Variants in SCUBE2 observed in about 807,000 individuals in gnomAD.
SCUBE2 encodes signal peptide, CUB domain and EGF like domain containing 2.
SCUBE2 carries 114 observed loss-of-function variants against 125.9 expected under a neutral mutation model. The observed-to-expected ratio is 0.91, with a 90% CI of 0.78 to 1.06. The LOEUF (loss-of-function observed/expected upper bound fraction) is 1.06. SCUBE2 is among the 50% of genes least tolerant of loss of function. The pLI, the probability that SCUBE2 is intolerant of heterozygous loss-of-function variation, is 0.00. For synonymous variants in SCUBE2, 459 were observed against 492.9 expected (o/e 0.93, Z 0.91); for missense variants, 1,255 against 1,301.8 (o/e 0.96, Z 0.55).
At chr11:9,075,205 T>TA (rs5789594) in intron 3 of SCUBE2, among the ~76,000 whole-genome samples, 42 of 123,948 alleles carry the variant, frequency 3.4e-4, no homozygotes, top group East Asian at 1.6e-3. Flanking sequence ...AGACGCCATC[T>TA]AAAAAAAAAA....
intron 21 of SCUBE2, among the ~76,000 whole-genome samples, chr11:9,022,289 C>T (rs961403944): frequency 8.5e-5 from 13 of 152,156 alleles, no homozygotes; most frequent in Admixed American, 3.3e-4. Flanking sequence ...CTCTTTCTTT[C>T]CTACATGATA....
In SCUBE2 at chr11:9,091,358, C is replaced by G. The variant is rs1564861200; in HGVS notation, c.133+38G>C. 7.8e-7 allele frequency: 1 copy of G among 1,289,918 alleles called. No individual in the cohort carries two copies. Among genetic ancestry groups the G allele is most frequent in the Non-Finnish European group, 9.8e-7 (1 of 1,020,588 alleles). The allele number at this position is 1,289,918 out of a possible 1,614,324, so 79.9% of individuals were successfully genotyped here. ...ACCTAAACACTCTTCCTGGCCCTGC[C>G]TGCTGTGCCAGGTGCGCCCCCGCGG... On this transcript the variant is annotated intron_variant, in intron 1 of 22. Coordinates refer to ENST00000649792, the MANE Select transcript of SCUBE2 (RefSeq NM_001367977.2). The surrounding 1 kb of genome is among the most constrained non-coding windows in gnomAD (Gnocchi z 8.5).
At chr11:9,045,827 C>T (rs1857675052) in intron 16 of SCUBE2, among the ~76,000 whole-genome samples, 1 of 152,036 alleles carries the variant, frequency 6.6e-6, no homozygotes, top group Admixed American at 6.6e-5. Flanking sequence ...CAGACCTGGA[C>T]CTGATTTGAT....
chr11:9,041,839 G>T (rs950103963), intron 16 of SCUBE2, among the ~76,000 whole-genome samples: 1 of 152,140 alleles, frequency 6.6e-6, no homozygotes, highest in African/African-American at 2.4e-5. Context: ...AGATGGGTTT[G>T]TGTGATGTTG....
chr11:9,055,705 G>A lies in SCUBE2; in HGVS notation c.1207+88C>T, dbSNP rs1241554941. ...TGCAATGTACCTTTCATACCCCAAT[G>A]TAGGAAAGCAAACCTCAGGGGTAGG... On this transcript the variant is annotated intron_variant, in intron 10 of 22. Coordinates refer to ENST00000649792, the MANE Select transcript of SCUBE2 (RefSeq NM_001367977.2). 21 of 963,958 alleles carry A rather than the reference G, an allele frequency of 2.2e-5. No homozygotes were observed. The East Asian group carries it at 5.0e-4, about 23-fold the overall frequency. The allele number at this position is 963,958 out of a possible 1,614,324, so 59.7% of individuals were successfully genotyped here. A position where few individuals can be genotyped will look rare whatever the true frequency, so the allele number is the denominator to read the frequency against.
Position 9,025,795 on chromosome 11 carries a change from A to C in SCUBE2, c.2761T>G (p.Phe921Val), listed in dbSNP as rs1855688721. ...CACAGCTTCTTTGACCTGGAGGTGA[A>C]GGCGATGGGGCGTTCGTAGGTCTGG... ...TCQTYERPIA[F>V]TSRSKKLWIQ... Residue 921 changes from phenylalanine (F) to valine (V), a missense_variant, in exon 21 of 23, where the codon TTC becomes GTC. This residue lies in a region of SCUBE2 where 515 missense variants were observed against 515.7 expected (regional missense o/e 1.00). Transcript: ENST00000649792. The C allele has an allele frequency of 4.3e-6, 7 of 1,614,176 alleles. No homozygotes were observed. Among genetic ancestry groups the C allele is most frequent in the Non-Finnish European group, 5.9e-6 (7 of 1,180,022 alleles).
chr11:9,076,576 G>A (rs564322228), intron 3 of SCUBE2, among the ~76,000 whole-genome samples: 1 of 149,994 alleles, frequency 6.7e-6, no homozygotes, highest in Admixed American at 6.8e-5. Flanking sequence ...AACTTCCAGA[G>A]AAGTTTCAGA....
chr11:9,083,313 A>G (rs1861791723), intron 2 of SCUBE2, among the ~76,000 whole-genome samples: 1 of 152,198 alleles, frequency 6.6e-6, no homozygotes, highest in South Asian at 2.1e-4. Flanking sequence ...AACACTATGA[A>G]AAACAACACC....
intron 5 of SCUBE2, among the ~76,000 whole-genome samples, chr11:9,067,054 G>C (rs1419372009): frequency 1.3e-5 from 2 of 152,202 alleles, no homozygotes; most frequent in Non-Finnish European, 2.9e-5. Context: ...TACAGGAAGA[G>C]GGAGATGGGA....
chr11:9,079,888 T>C (rs1016426448), intron 2 of SCUBE2, among the ~76,000 whole-genome samples: 9 of 152,140 alleles, frequency 5.9e-5, no homozygotes. Flanking sequence ...TATCTTCATG[T>C]AAGAAATAAG....
intron 18 of SCUBE2, 100 bp downstream of exon 18, chr11:9,030,658 G>A: frequency 2.5e-6 from 3 of 1,221,492 alleles, no homozygotes; most frequent in Non-Finnish European, 3.5e-6. Context: ...AGCCACTGGG[G>A]CACTGCATCA....
rs770531218 is a variant in SCUBE2, at chr11:9,053,745, T to C, written c.1222A>G (p.Ser408Gly). The change falls in exon 11 of 23, where the codon AGC (serine) becomes GGC (glycine). Residue 408 changes from serine to glycine, a missense_variant. Around this residue, in one of 3 missense-constraint regions of SCUBE2, gnomAD observed 378 missense variants for 463.1 expected, o/e 0.82. Transcript: ENST00000649792. ...FTHCGDTNEC[S>G]INNGGCQQVC... is the part of the protein sequence containing the mutation. ...TGCTGACAGCCTCCGTTGTTGATGC[T>C]GCACTCATTGGTGTCTGTGGAACAA... The C allele has an allele frequency of 5.0e-6, 8 of 1,613,786 alleles. No individual in the cohort carries two copies. Among genetic ancestry groups the C allele is most frequent in the Non-Finnish European group, 6.8e-6 (8 of 1,179,814 alleles).
chr11:9,057,574 G>T (rs1006718721), intron 9 of SCUBE2: 1 of 144,990 alleles, frequency 6.9e-6, no homozygotes, highest in African/African-American at 2.6e-5. Flanking sequence ...GCTGGAGTGC[G>T]TGGGCATGAT....
chr11:9,028,945 T>G (rs1287123407), intron 19 of SCUBE2, among the ~76,000 whole-genome samples: 3 of 152,218 alleles, frequency 2.0e-5, no homozygotes, highest in Non-Finnish European at 4.4e-5. Flanking sequence ...GGAAGGCTAC[T>G]TATAAAGATG....
In SCUBE2 at chr11:9,065,873, G is replaced by A; in HGVS notation, c.850+18C>T. The stretch of plus-strand genomic sequence containing the variant: ...AGGACAATTGCAGTGGCCAAGGAAA[G>A]GGAGTGAAGGTGCCTACCCATGAGC... On this transcript the variant is annotated intron_variant, in intron 7 of 22. Coordinates refer to ENST00000649792, the MANE Select transcript of SCUBE2 (RefSeq NM_001367977.2). 2.5e-6 allele frequency: 4 copies of A among 1,607,238 alleles called. No homozygotes were observed. The highest frequency in any genetic ancestry group is 3.4e-6 in the Non-Finnish European group (4 of 1,173,746).
intron 2 of SCUBE2, among the ~76,000 whole-genome samples, chr11:9,086,954 C>T (rs904425326): frequency 1.3e-5 from 2 of 151,568 alleles, no homozygotes; most frequent in African/African-American, 2.4e-5. Flanking sequence ...GAGTTCCAAA[C>T]GACAGTACAA....
chr11:9,040,504 C>T (rs1435377954), intron 16 of SCUBE2, among the ~76,000 whole-genome samples: 5 of 132,196 alleles, frequency 3.8e-5, no homozygotes, highest in South Asian at 2.6e-4. Flanking sequence ...AGCGTGGGTA[C>T]GCAGGAGAAA....
At chr11:9,069,207 C>A (rs1322178599) in intron 5 of SCUBE2, among the ~76,000 whole-genome samples, 163 bp downstream of exon 5, 1 of 152,246 alleles carries the variant, frequency 6.6e-6, no homozygotes, top group Non-Finnish European at 1.5e-5. Flanking sequence ...GGAGACCACC[C>A]TTCTGCAGTG....
At position 9,062,533 on chromosome 11, in the gene SCUBE2, G is replaced by C. The variant is rs555051216; in HGVS notation, c.851-2009C>G. Among the ~76,000 whole-genome samples the C allele has an allele frequency of 2.0e-4, 30 of 152,276 alleles. No individual in the cohort carries two copies. The South Asian group carries it at 5.2e-3, about 26-fold the overall frequency. ...AAGAATCACTAGACATTTCTGGAAA[G>C]CCTCTAATACGGAATGAATATACCA... is the stretch of plus-strand genomic sequence containing the variant. On this transcript the variant is annotated intron_variant, in intron 7 of 22. Coordinates refer to ENST00000649792, the MANE Select transcript of SCUBE2 (RefSeq NM_001367977.2).
Sources: gnomAD v4.1 joint callset for allele counts (sites outside exome capture counted in the v4.1 genomes callset) on GRCh38, gnomAD v4.1.1 for gene constraint, gnomAD v4.1.1 regional missense constraint, Gnocchi (gnomAD v3.1) non-coding constraint, MANE v1.5 for transcripts, NCBI Gene and HGNC (gene_info 2026-07-23, HGNC 2026-07-21) for gene names.